TM9SF3: variants seen among roughly 807,000 people sequenced by gnomAD.
The protein encoded by TM9SF3 is SM-11044-binding protein.
TM9SF3 carries 14 observed loss-of-function variants against 78.6 expected under a neutral mutation model. That is an observed-to-expected ratio of 0.18 (90% CI 0.12 to 0.28). TM9SF3 has a LOEUF of 0.28. Ranked by LOEUF, TM9SF3 falls within the 10% of genes least tolerant of loss-of-function variation. TM9SF3 has a pLI of 1.00. For missense variants in TM9SF3, 496 were observed against 721.9 expected, an observed-to-expected ratio of 0.69 and a Z score of 3.59; for synonymous variants, 231 against 241.7, an observed-to-expected ratio of 0.96 and a Z score of 0.41.
chr10:96,538,462 T>C (rs2134135504), intron 9 of TM9SF3, among the ~76,000 whole-genome samples: 2 of 152,280 alleles, frequency 1.3e-5, no homozygotes, highest in Admixed American at 1.3e-4. Flanking sequence ...AGCTTAGTGA[T>C]GTCTGGTTTG....
chr10:96,570,042 G>C (rs1287289990), intron 2 of TM9SF3, among the ~76,000 whole-genome samples: 1 of 151,894 alleles, frequency 6.6e-6, no homozygotes, highest in African/African-American at 2.4e-5. Flanking sequence ...AAGAAAATGG[G>C]GGAAAAAAAC....
Position 96,554,330 on chromosome 10 carries a change from C to T in TM9SF3, c.661-1271G>A, listed in dbSNP as rs142583846. Among the ~76,000 whole-genome samples, 460 of 152,268 alleles carry T rather than the reference C, an allele frequency of 3.0e-3. 4 individuals carry two copies. The highest frequency in any genetic ancestry group is 0.011 in the African/African-American group (449 of 41,548). ...CAATGTCAATACTTTTCAAAGAAGA[C>T]ATGTTCCAGTTCTTCCCTCACTTCC... On this transcript the variant is annotated intron_variant, in intron 5 of 14. Transcript: ENST00000371142.
intron 2 of TM9SF3, 114 bp downstream of exon 2, chr10:96,576,520 C>A (rs771754759): frequency 6.1e-6 from 6 of 987,258 alleles, no homozygotes; most frequent in Non-Finnish European, 8.7e-6. Flanking sequence ...CTAACATGTA[C>A]ATAACAGCTC....
chr10:96,536,250 CAAAG>C (rs1847957974), intron 9 of TM9SF3, among the ~76,000 whole-genome samples: 1 of 151,990 alleles, frequency 6.6e-6, no homozygotes, highest in Non-Finnish European at 1.5e-5. Context: ...AGATTGGGAA[CAAAG>C]AAAGGATGTC....
chr10:96,579,757 C>T (rs1848539430), intron 1 of TM9SF3, among the ~76,000 whole-genome samples: 1 of 152,142 alleles, frequency 6.6e-6, no homozygotes, highest in Non-Finnish European at 1.5e-5. Context: ...ACTATGCAGA[C>T]TGTGGTTTAA....
At chr10:96,570,597 T>C (rs1848427810) in intron 2 of TM9SF3, among the ~76,000 whole-genome samples, 1 of 152,218 alleles carries the variant, frequency 6.6e-6, no homozygotes, top group African/African-American at 2.4e-5. Flanking sequence ...GACAACATAT[T>C]GTACCAAGTT....
At chr10:96,544,034 T>A in intron 9 of TM9SF3, 42 bp downstream of exon 9, 1 of 1,584,252 alleles carries the variant, frequency 6.3e-7, no homozygotes, top group African/African-American at 1.4e-5. Flanking sequence ...AGTTAGAATG[T>A]GTATACTTTT....
At chr10:96,526,905 G>A (rs1443735346) in intron 14 of TM9SF3, among the ~76,000 whole-genome samples, 1 of 152,028 alleles carries the variant, frequency 6.6e-6, no homozygotes, top group African/African-American at 2.4e-5. Flanking sequence ...TGTAGTCCCA[G>A]CTAGTTAAGA....
chr10:96,558,037 A>G (rs1377974771), intron 5 of TM9SF3, among the ~76,000 whole-genome samples: 2 of 152,066 alleles, frequency 1.3e-5, no homozygotes, highest in African/African-American at 2.4e-5. Context: ...TGCTCAATTA[A>G]TATGTGTTGA....
At chr10:96,527,390 G>C in intron 13 of TM9SF3, 23 bp downstream of exon 13, 1 of 1,594,214 alleles carries the variant, frequency 6.3e-7, no homozygotes, top group Non-Finnish European at 8.5e-7. Context: ...CTAAATAAAA[G>C]GTAAAAAAAT....
chr10:96,547,727 C>G (rs188748144), intron 8 of TM9SF3, among the ~76,000 whole-genome samples, 168 bp downstream of exon 8: 1 of 152,016 alleles, frequency 6.6e-6, no homozygotes, highest in Non-Finnish European at 1.5e-5. Context: ...GGCTGAGGCA[C>G]GAGAATCGCT....
At chr10:96,581,431 T>C (rs980606847) in intron 1 of TM9SF3, among the ~76,000 whole-genome samples, 4 of 152,196 alleles carry the variant, frequency 2.6e-5, no homozygotes, top group Non-Finnish European at 5.9e-5. Context: ...CAAAATAATG[T>C]TCCAGAAATC....
At chr10:96,570,194 A>T (rs1468866740) in intron 2 of TM9SF3, among the ~76,000 whole-genome samples, 1 of 152,266 alleles carries the variant, frequency 6.6e-6, no homozygotes, top group African/African-American at 2.4e-5. Flanking sequence ...GAATGTGCTT[A>T]AAACAGTGTC....
chr10:96,527,406 C>T lies in TM9SF3; in HGVS notation c.1625+7G>A. On this transcript the variant is annotated splice_region_variant and intron_variant, in intron 13 of 14. Transcript: ENST00000371142. ...TAAATAAAAGGTAAAAAAATGTCTC[C>T]ACTTACTTTGTTTTGAAAAAATAGT... 6.2e-7 allele frequency: 1 copy of T among 1,604,656 alleles called. No homozygotes were observed. Among genetic ancestry groups the T allele is most frequent in the Non-Finnish European group, 8.5e-7 (1 of 1,175,624 alleles).
intron 1 of TM9SF3, among the ~76,000 whole-genome samples, chr10:96,578,542 T>C (rs1382286184): frequency 6.6e-6 from 1 of 152,218 alleles, no homozygotes; most frequent in Non-Finnish European, 1.5e-5. Context: ...ACATAGGAAG[T>C]AATGAATCAA....
At chr10:96,556,331 A>G (rs1848233188) in intron 5 of TM9SF3, among the ~76,000 whole-genome samples, 2 of 152,226 alleles carry the variant, frequency 1.3e-5, no homozygotes, top group South Asian at 2.1e-4. Flanking sequence ...TAGGTGCTTT[A>G]TATCAACGTG....
At chr10:96,541,091 A>G (rs1471628668) in intron 9 of TM9SF3, among the ~76,000 whole-genome samples, 1 of 152,024 alleles carries the variant, frequency 6.6e-6, no homozygotes, top group Non-Finnish European at 1.5e-5. Context: ...AAGAAAAGAA[A>G]GGTGATTAGT....
At chr10:96,566,273 A>G (rs1253623488) in intron 2 of TM9SF3, among the ~76,000 whole-genome samples, 2 of 152,244 alleles carry the variant, frequency 1.3e-5, no homozygotes, top group Non-Finnish European at 2.9e-5. Flanking sequence ...CTATATTTGT[A>G]CTATAATATT....
At chr10:96,526,819 GC>G (rs1847843054) in intron 14 of TM9SF3, among the ~76,000 whole-genome samples, 1 of 152,080 alleles carries the variant, frequency 6.6e-6, no homozygotes, top group Non-Finnish European at 1.5e-5. Flanking sequence ...ACCTTAACAT[GC>G]CTACATCATG....
Sources: allele counts gnomAD v4.1 joint callset (sites outside exome capture counted in the v4.1 genomes callset), GRCh38; gene constraint gnomAD v4.1.1; transcripts MANE v1.5; gene names NCBI Gene and HGNC (gene_info 2026-07-23, HGNC 2026-07-21).